The following PGAP1 variants were observed in gnomAD, a reference collection of about 807,000 sequenced individuals.
The protein encoded by PGAP1 is GPI inositol-deacylase.
PGAP1 carries 76 observed loss-of-function variants against 127.0 expected under a neutral mutation model. The observed-to-expected ratio is 0.60, with a 90% CI of 0.50 to 0.72. The LOEUF (loss-of-function observed/expected upper bound fraction) is 0.72. Among genes scored for constraint, PGAP1 ranks in the 30% least tolerant of loss-of-function variants. The pLI is 0.00. For synonymous variants in PGAP1, 362 were observed against 366.5 expected (o/e 0.99, Z 0.14); for missense variants, 982 against 1,071.3 (o/e 0.92, Z 1.16).
chr2:196,896,012 T>A (rs1702256188), intron 7 of PGAP1, among the ~76,000 whole-genome samples: 1 of 152,152 alleles, frequency 6.6e-6, no homozygotes, highest in African/African-American at 2.4e-5. Context: ...TTAAGATGAA[T>A]AATGGCAATC....
Position 196,894,344 on chromosome 2 carries a change from A to C in PGAP1, c.928-1099T>G, listed in dbSNP as rs543745647. 1.3e-5 allele frequency among the ~76,000 whole-genome samples: 2 copies of C among 152,346 alleles called. 1 individual carries two copies. The highest frequency in any genetic ancestry group is 4.1e-4 in the South Asian group (2 of 4,828). On this transcript the variant is annotated intron_variant, in intron 7 of 26. Transcript: ENST00000354764. ...CCTCAAAATATGATGCATGAAATAG[A>C]ATACAGTTCTCTAGATACGGTGTCA...
intron 4 of PGAP1, among the ~76,000 whole-genome samples, chr2:196,912,031 A>T (rs1016155192): frequency 3.3e-5 from 5 of 152,176 alleles, no homozygotes; most frequent in African/African-American, 9.7e-5. Context: ...TCTGGGCAAG[A>T]ACGTTATCTT....
chr2:196,897,259 T>C, intron 6 of PGAP1, 62 bp from the exon 7 acceptor site: 1 of 1,009,578 alleles, frequency 9.9e-7, no homozygotes, highest in Non-Finnish European at 1.5e-6. Flanking sequence ...TTGATCAAAA[T>C]ATGCACAATT....
At chr2:196,926,413 A>T in intron 1 of PGAP1, 57 bp downstream of exon 1, 1 of 1,606,984 alleles carries the variant, frequency 6.2e-7, no homozygotes, top group Non-Finnish European at 8.5e-7. Context: ...CAGAAGGAAA[A>T]AGGCACCAGG....
At chr2:196,850,623 A>T (rs1474891781) in intron 20 of PGAP1, among the ~76,000 whole-genome samples, 1 of 152,018 alleles carries the variant, frequency 6.6e-6, no homozygotes, top group Non-Finnish European at 1.5e-5. Flanking sequence ...CAAGGCAGCA[A>T]GGAAGCATTG....
Position 196,858,178 on chromosome 2 carries a change from G to C in PGAP1, c.1861+6809C>G, listed in dbSNP as rs905871792. Among the ~76,000 whole-genome samples, 21 of 152,106 alleles carry C rather than the reference G, an allele frequency of 1.4e-4. No individual in the cohort carries two copies. The East Asian group carries it at 3.5e-3, about 25-fold the overall frequency. On this transcript the variant is annotated intron_variant, in intron 20 of 26. Transcript: ENST00000354764. ...GCACTTTGGGAGGCCGAGGTGGGCAGATCACGAGGTCAGGAGATCGAGACC... is the reference window on the plus strand; with the variant it reads ...GCACTTTGGGAGGCCGAGGTGGGCACATCACGAGGTCAGGAGATCGAGACC...
intron 8 of PGAP1, among the ~76,000 whole-genome samples, chr2:196,892,882 GAA>G (rs890029831): frequency 6.6e-6 from 1 of 152,018 alleles, no homozygotes; most frequent in African/African-American, 2.4e-5. Context: ...TCATTTAACT[GAA>G]ATTTTTCTAT....
intron 12 of PGAP1, 75 bp downstream of exon 12, chr2:196,885,349 G>A (rs1298482646): frequency 4.2e-6 from 4 of 942,638 alleles, no homozygotes; most frequent in African/African-American, 3.3e-5. Flanking sequence ...GCTAATGAAA[G>A]AGAATATTTT....
intron 5 of PGAP1, among the ~76,000 whole-genome samples, chr2:196,898,646 T>A (rs1702368960): frequency 6.6e-6 from 1 of 152,190 alleles, no homozygotes; most frequent in Admixed American, 6.5e-5. Flanking sequence ...AACCACAGAC[T>A]CCTAAAGTTT....
Position 196,842,769 on chromosome 2 carries a change from G to A in PGAP1, c.2582C>T (p.Pro861Leu), listed in dbSNP as rs766104960. 66 of 1,584,742 alleles carry A rather than the reference G, an allele frequency of 4.2e-5. No individual in the cohort carries two copies. Among genetic ancestry groups the A allele is most frequent in the Non-Finnish European group, 5.4e-5 (63 of 1,161,878 alleles). Reference sequence around the variant, plus strand: ...AGTATTTCCAAGAATTGCCATAGTCGGAATAAGGATAAATGCCAAAGGTTT... The same window carrying A: ...AGTATTTCCAAGAATTGCCATAGTCAGAATAAGGATAAATGCCAAAGGTTT... Reference protein sequence around the residue: ...PCKPLAFILIPTMAILGNTYT... With the variant: ...PCKPLAFILILTMAILGNTYT... The change falls in exon 26 of 27, where the codon CCG becomes CTG. Residue 861 changes from proline to leucine, a missense_variant. Pro to Leu is a moderately conservative substitution (Grantham distance 98). Transcript: ENST00000354764.
chr2:196,850,750 T>C (rs1700694694), intron 20 of PGAP1, among the ~76,000 whole-genome samples: 1 of 144,932 alleles, frequency 6.9e-6, no homozygotes, highest in Non-Finnish European at 1.5e-5. Flanking sequence ...AAAAAAGAGA[T>C]GGGAGGGGAA....
Position 196,920,057 on chromosome 2 carries a change from G to C in PGAP1, c.241C>G (p.Leu81Val). 1 of 1,613,386 alleles carries C rather than the reference G, an allele frequency of 6.2e-7. No individual in the cohort carries two copies. Among genetic ancestry groups the C allele is most frequent in the Non-Finnish European group, 8.5e-7 (1 of 1,179,562 alleles). The change falls in exon 2 of 27, where the codon CTC becomes GTC. Residue 81 changes from leucine (L) to valine (V), a missense_variant. Leu to Val is a conservative substitution (Grantham distance 32). Transcript: ENST00000354764. ...EGSYAEEHKI[L>V]PLTGIPVLFL... ...AGAACTGGAATACCCGTCAAAGGGA[G>C]AATTTTGTGTTCTTCAGCATAGGAT...
Position 196,897,153 on chromosome 2 carries a change from A to C in PGAP1, c.905T>G (p.Leu302Arg). Residue 302 changes from leucine (L) to arginine (R), a missense_variant, in exon 7 of 27, where the codon CTT becomes CGT. Coordinates refer to ENST00000354764, the MANE Select transcript of PGAP1 (RefSeq NM_024989.4). Reference sequence around the variant, plus strand: ...TACTTGTTTAGTATCAGCATCAATAAGATCAAAGAATGCTCGAACTGTAGT... The same window carrying C: ...TACTTGTTTAGTATCAGCATCAATACGATCAAAGAATGCTCGAACTGTAGT... ...QLTTVRAFFD[L>R]IDADTKQITQ... 1 of 1,579,714 alleles carries C rather than the reference A, an allele frequency of 6.3e-7. No individual in the cohort carries two copies. Among genetic ancestry groups the C allele is most frequent in the Non-Finnish European group, 8.6e-7 (1 of 1,158,534 alleles).
intron 4 of PGAP1, among the ~76,000 whole-genome samples, chr2:196,906,079 C>T (rs1167971047): frequency 1.8e-5 from 1 of 54,450 alleles, no homozygotes. Flanking sequence ...CCAGGAAGCT[C>T]GAACTGGGTG....
At chr2:196,920,236 T>C in intron 1 of PGAP1, 86 bp from the exon 2 acceptor site, 1 of 1,155,526 alleles carries the variant, frequency 8.7e-7, no homozygotes, top group Non-Finnish European at 1.2e-6. Flanking sequence ...ATTACGCAAA[T>C]TTGAAATAGT....
chr2:196,835,539 A>G lies in PGAP1; in HGVS notation c.*5695T>C, dbSNP rs1700215683. On this transcript the variant is annotated 3_prime_UTR_variant, in exon 27 of 27. Coordinates refer to ENST00000354764, the MANE Select transcript of PGAP1 (RefSeq NM_024989.4). ...CACACAAAATAGAACACACTAGGCT[A>G]CAAATCTTGAATATTTTCAAAGAAA... The G allele has an allele frequency of 6.6e-6, 1 of 152,226 alleles. No homozygotes were observed. The allele number at this position is 152,226 out of a possible 1,614,324, so 9.4% of individuals were successfully genotyped here.
At chr2:196,918,193 A>C (rs150378803) in intron 2 of PGAP1, among the ~76,000 whole-genome samples, 3,810 of 152,268 alleles carry the variant, frequency 0.025, 65 homozygotes, top group Middle Eastern at 0.037. Context: ...AGGTTGCTTA[A>C]AAATTTAATG....
chr2:196,881,689 T>C (rs1246045611), intron 12 of PGAP1, among the ~76,000 whole-genome samples: 2 of 152,234 alleles, frequency 1.3e-5, no homozygotes, highest in Non-Finnish European at 2.9e-5. Flanking sequence ...TGTCATTTCA[T>C]GTCCTTTGCC....
chr2:196,853,252 T>C (rs1404363336), intron 20 of PGAP1, among the ~76,000 whole-genome samples: 2 of 152,246 alleles, frequency 1.3e-5, no homozygotes, highest in African/African-American at 4.8e-5. Context: ...TGTCACCTCC[T>C]GTAACTTTTT....
Sources: allele counts gnomAD v4.1 joint callset (sites outside exome capture counted in the v4.1 genomes callset), GRCh38; gene constraint gnomAD v4.1.1; transcripts MANE v1.5; gene names NCBI Gene and HGNC (gene_info 2026-07-23, HGNC 2026-07-21).